Variants in EYS observed in about 807,000 individuals in gnomAD.
EYS encodes protein eyes shut homolog.
A neutral mutation model predicts 282.1 loss-of-function variants in EYS; 250 were observed. The ratio of observed to expected loss-of-function variants is 0.89; its 90% CI spans 0.80 to 0.98. The LOEUF is 0.98. Among genes scored for constraint, EYS ranks in the 50% least tolerant of loss-of-function variants. The probability of loss-of-function intolerance (pLI) is 0.00; values close to 1 mark genes in which losing one functional copy is unlikely to be tolerated. For synonymous variants in EYS, 1,355 were observed against 1,282.9 expected, an observed-to-expected ratio of 1.06 and a Z score of -1.20; for missense variants, 4,016 against 3,709.0, an observed-to-expected ratio of 1.08 and a Z score of -2.15.
At chr6:65,294,980 T>C (rs766901861) in intron 12 of EYS, among the ~76,000 whole-genome samples, 3 of 151,924 alleles carry the variant, frequency 2.0e-5, no homozygotes, top group Non-Finnish European at 2.9e-5. Context: ...ATTCCAATGA[T>C]ATCACCATTT....
At chr6:63,834,339 A>T (rs566848430) in intron 36 of EYS, among the ~76,000 whole-genome samples, 10 of 152,244 alleles carry the variant, frequency 6.6e-5, no homozygotes, top group Non-Finnish European at 1.5e-4. Context: ...TGCAGAATCC[A>T]CAAAGAGCTT....
chr6:65,094,289 A>T (rs1774665879), intron 12 of EYS, among the ~76,000 whole-genome samples: 1 of 147,952 alleles, frequency 6.8e-6, no homozygotes, highest in Non-Finnish European at 1.5e-5. Context: ...TTAATACTCC[A>T]CTTCAATAAT....
chr6:64,042,446 A>T (rs1184627604), intron 33 of EYS, among the ~76,000 whole-genome samples: 2 of 152,176 alleles, frequency 1.3e-5, no homozygotes, highest in East Asian at 3.9e-4. Flanking sequence ...GTTACTTTTC[A>T]TGGTAGAGTC....
chr6:63,928,336 C>T (rs760404507), intron 35 of EYS, among the ~76,000 whole-genome samples: 4 of 152,194 alleles, frequency 2.6e-5, no homozygotes, highest in Non-Finnish European at 4.4e-5. Flanking sequence ...TCATTCTTCT[C>T]ATTGCCTAGG....
intron 30 of EYS, among the ~76,000 whole-genome samples, chr6:64,304,732 T>C (rs914761393): frequency 3.9e-5 from 6 of 152,214 alleles, no homozygotes; most frequent in Admixed American, 3.3e-4. Context: ...CCAGAAAATT[T>C]ATAAATTTGT....
chr6:65,315,261 G>C (rs895870618), intron 11 of EYS, among the ~76,000 whole-genome samples: 2 of 151,924 alleles, frequency 1.3e-5, no homozygotes, highest in African/African-American at 4.8e-5. Flanking sequence ...ACCATGATAG[G>C]GTGAAAGTTT....
At chr6:65,082,954 G>T (rs1444330059) in intron 12 of EYS, among the ~76,000 whole-genome samples, 1 of 151,982 alleles carries the variant, frequency 6.6e-6, no homozygotes, top group Non-Finnish European at 1.5e-5. Context: ...AAAGAATGCA[G>T]ATGGGGTTTC....
chr6:64,095,269 T>A (rs1293739102), intron 31 of EYS, among the ~76,000 whole-genome samples: 1 of 152,194 alleles, frequency 6.6e-6, no homozygotes, highest in African/African-American at 2.4e-5. Flanking sequence ...GTCTCTTAGG[T>A]CCATTTGGTG....
chr6:65,482,075 A>T (rs190147514), intron 5 of EYS, among the ~76,000 whole-genome samples: 6 of 148,460 alleles, frequency 4.0e-5, no homozygotes, highest in African/African-American at 1.4e-4. Flanking sequence ...ATGTTGTGTT[A>T]TTGTGGATTA....
intron 12 of EYS, among the ~76,000 whole-genome samples, chr6:65,232,442 C>A (rs1447714829): frequency 6.6e-6 from 1 of 151,976 alleles, no homozygotes; most frequent in Non-Finnish European, 1.5e-5. Context: ...TTCCAAAATT[C>A]TTAAAGTCCA....
intron 13 of EYS, among the ~76,000 whole-genome samples, chr6:65,051,316 A>G (rs1219913642): frequency 6.6e-6 from 1 of 151,596 alleles, no homozygotes. Flanking sequence ...CATTTAATGA[A>G]ATTCAATATG....
intron 12 of EYS, among the ~76,000 whole-genome samples, chr6:65,282,004 G>T (rs1343938237): frequency 6.6e-6 from 1 of 151,756 alleles, no homozygotes; most frequent in African/African-American, 2.4e-5. Context: ...TGAAATGAAT[G>T]CTTAATATGT....
chr6:63,999,654 C>T (rs1245276547), intron 33 of EYS, among the ~76,000 whole-genome samples: 7 of 152,122 alleles, frequency 4.6e-5, no homozygotes, highest in Admixed American at 4.6e-4. Context: ...TACCCCTGAG[C>T]AGAGAGATTA....
At chr6:64,764,578 A>G (rs1773263772) in intron 22 of EYS, among the ~76,000 whole-genome samples, 1 of 152,216 alleles carries the variant, frequency 6.6e-6, no homozygotes, top group Non-Finnish European at 1.5e-5. Flanking sequence ...CCCTGGAGGC[A>G]TTCTCCCTAT....
At chr6:63,990,002 A>G (rs193149081) in intron 34 of EYS, among the ~76,000 whole-genome samples, 5 of 151,698 alleles carry the variant, frequency 3.3e-5, no homozygotes, top group East Asian at 3.9e-4. Context: ...TCTCAGAATA[A>G]TATCTCCTCA....
At chr6:65,062,073 T>C (rs1414855112) in intron 12 of EYS, among the ~76,000 whole-genome samples, 1 of 151,938 alleles carries the variant, frequency 6.6e-6, no homozygotes, top group Non-Finnish European at 1.5e-5. Flanking sequence ...AACCATCAAC[T>C]GATTTACAGA....
intron 1 of EYS, among the ~76,000 whole-genome samples, chr6:65,699,394 A>G (rs1769572569): frequency 6.6e-6 from 1 of 152,136 alleles, no homozygotes; most frequent in Admixed American, 6.5e-5. Flanking sequence ...AATTTTGCTC[A>G]ATATTATGGT....
chr6:63,741,903 T>C, intron 41 of EYS: 1 of 702,404 alleles, frequency 1.4e-6, no homozygotes, highest in Non-Finnish European at 2.6e-6. Flanking sequence ...CTGTTTGTAC[T>C]GGTCCTTACC....
At chr6:65,672,884 G>T (rs1768442375) in intron 1 of EYS, among the ~76,000 whole-genome samples, 1 of 152,066 alleles carries the variant, frequency 6.6e-6, no homozygotes, top group Non-Finnish European at 1.5e-5. Flanking sequence ...GGGAGATGGG[G>T]TGTGGCCATT....
Sources: gnomAD v4.1 joint callset for allele counts (sites outside exome capture counted in the v4.1 genomes callset) on GRCh38, gnomAD v4.1.1 for gene constraint, MANE v1.5 for transcripts, NCBI Gene and HGNC (gene_info 2026-07-23, HGNC 2026-07-21) for gene names.